Variants in CASKIN1 observed in about 807,000 individuals in gnomAD.
The protein encoded by CASKIN1 is CASK interacting protein 1, also known as caskin-1.
CASKIN1 carries 42 observed loss-of-function variants against 117.5 expected under a neutral mutation model. The observed-to-expected ratio is 0.36, with a 90% confidence interval of 0.28 to 0.46. The LOEUF is 0.46. CASKIN1 is among the 20% of genes least tolerant of loss of function. CASKIN1 has a pLI of 1.00. For synonymous variants in CASKIN1, 1,148 were observed against 961.7 expected (o/e 1.19, Z -3.59); for missense variants, 2,083 against 2,077.3 (o/e 1.00, Z -0.05).
rs1357563121 is a variant in CASKIN1 at position 2,178,599 on chromosome 16, C to T, written c.4247G>A (p.Gly1416Asp). The T allele has an allele frequency of 6.3e-7, 1 of 1,597,798 alleles. No homozygotes were observed. ...GTCGGCCAGGTCGTCGAACATGCTG[C>T]CGATGTCGTCCAGGATGCTGCCAGT... ...KSTGSILDDI[G>D]SMFDDLADQL... is the part of the protein sequence containing the mutation. The change falls in exon 20 of 20, where the codon GGC becomes GAC. Residue 1416 changes from glycine (G) to aspartate (D), a missense_variant. Transcript: ENST00000343516.
rs573629785 is a variant in CASKIN1, at chr16:2,179,740, G to A, written c.3628C>T (p.Pro1210Ser). ...GCTTCGCCCTCGGGCGGGGGCAATG[G>A]GGGTAGGTGCGCCAGGTCGGTGGGC... ...PPPTDLAHLPPLPPPEGEARK... is the reference protein window; with the variant it reads ...PPPTDLAHLPSLPPPEGEARK... Residue 1210 changes from proline (P) to serine (S), a missense_variant, in exon 18 of 20, where the codon CCA (proline) becomes TCA (serine). Transcript: ENST00000343516. This position sits in a 1 kb window ranked among gnomAD's most constrained non-coding sequence, Gnocchi z 5.8. 49 of 1,556,956 alleles carry A rather than the reference G, an allele frequency of 3.1e-5. No homozygotes were observed. Among genetic ancestry groups the A allele is most frequent in the Non-Finnish European group, 4.2e-5 (49 of 1,157,188 alleles).
At position 2,178,649 on chromosome 16, in the gene CASKIN1, G is replaced by A. The variant is rs1347023416; in HGVS notation, c.4200-3C>T. On this transcript the variant is annotated splice_region_variant and splice_polypyrimidine_tract_variant and intron_variant, in intron 19 of 19. Transcript: ENST00000343516. ...TGCTCTTTTCCGCCGCCGAGTCGCT[G>A]CGGGGCGCGGGGCAAGGGGCGTGAG... The A allele has an allele frequency of 2.5e-6, 4 of 1,584,942 alleles. No homozygotes were observed. The highest frequency in any genetic ancestry group is 2.3e-5 in the South Asian group (2 of 88,520).
rs1480992686 is a variant in CASKIN1 at position 2,181,672 on chromosome 16, T to G, written c.1769-73A>C. ...GCAGGGGCCGGGCTAGGGGCGGGGC[T>G]GGGCTGGGCTTGGGGCCCAGCTTGG... On this transcript the variant is annotated intron_variant, in intron 17 of 19. Coordinates refer to ENST00000343516, the MANE Select transcript of CASKIN1 (RefSeq NM_020764.4). 2.4e-4 allele frequency: 51 copies of G among 211,240 alleles called. No individual in the cohort carries two copies. In the Middle Eastern group the frequency reaches 3.9e-3, roughly 16 times the overall value. The allele number at this position is 211,240 out of a possible 1,614,324, so 13.1% of individuals were successfully genotyped here.
rs1261896912 is a variant in CASKIN1, at chr16:2,185,348, G to A, written c.1109C>T (p.Ala370Val). 6.2e-7 allele frequency: 1 copy of A among 1,611,124 alleles called. No individual in the cohort carries two copies. The highest frequency in any genetic ancestry group is 1.3e-5 in the African/African-American group (1 of 75,026). Residue 370 changes from alanine to valine, a missense_variant, in exon 11 of 20, where the codon GCA becomes GTA. Transcript: ENST00000343516. ...CAGCACCCAGATCTCCTCTGGGGGT[G>A]CAGAGGGTCCCGATGAGCTGCTTCC... ...PQGSSSSGPS[A>V]PPEEIWVLRK...
Position 2,180,124 on chromosome 16 carries a change from CA to C in CASKIN1, c.3243del (p.Glu1083SerfsTer60). On this transcript the variant is annotated frameshift_variant, in exon 18 of 20. Transcript: ENST00000343516. LOFTEE classifies it high-confidence loss of function. ...AAGGGGCCTGGGTCTGCCGACTCCC[CA>C]GGCCCCCGGCGGGCAGTGGCCAGAA... ...TGLLATARRGPGESADPGPFV... is the reference protein window; with the variant it reads ...TGLLATARRGXGESADPGPFV... The C allele has an allele frequency of 6.4e-7, 1 of 1,552,708 alleles. No homozygotes were observed. Among genetic ancestry groups the C allele is most frequent in the Non-Finnish European group, 8.7e-7 (1 of 1,150,032 alleles).
rs753990452 is a variant in CASKIN1 at position 2,180,701 on chromosome 16, G to A, written c.2667C>T (p.Ser889=). Residue 889 remains serine, a synonymous_variant, in exon 18 of 20, where the codon TCC becomes TCT. Coordinates refer to ENST00000343516, the MANE Select transcript of CASKIN1 (RefSeq NM_020764.4). ...GCTCGTCCCGCTCCGGCTCGCTGTC[G>A]GACGCCGCATAGCGATTCAGGCTGT... ...RAHSLNRYAA[S]DSEPERDELL... 35 of 1,493,044 alleles carry A rather than the reference G, an allele frequency of 2.3e-5. No individual in the cohort carries two copies. Among genetic ancestry groups the A allele is most frequent in the Middle Eastern group, 4.0e-4 (2 of 4,986 alleles). The allele number at this position is 1,493,044 out of a possible 1,614,324, so 92.5% of individuals were successfully genotyped here. A position where few individuals can be genotyped will look rare whatever the true frequency, so the allele number is the denominator to read the frequency against.
chr16:2,193,800 T>C (rs1190616840), intron 1 of CASKIN1, among the ~76,000 whole-genome samples: 1 of 152,138 alleles, frequency 6.6e-6, no homozygotes, highest in Admixed American at 6.5e-5. Flanking sequence ...CTGGCTGAAA[T>C]TGGATGGCAG....
Position 2,180,675 on chromosome 16 carries a change from A to C in CASKIN1, c.2693T>G (p.Leu898Arg). Residue 898 changes from leucine to arginine, a missense_variant, in exon 18 of 20, where the codon CTG (leucine) becomes CGG (arginine). Physicochemically the swap from Leu to Arg is moderately radical, Grantham distance 102 (BLOSUM62 -2). Transcript: ENST00000343516. ...GGGGCCGGCAGCCGCAGGCACCAGC[A>C]GCTCGTCCCGCTCCGGCTCGCTGTC... is the stretch of plus-strand genomic sequence containing the variant. ...ASDSEPERDE[L>R]LVPAAAGPYA... 1 of 1,514,976 alleles carries C rather than the reference A, an allele frequency of 6.6e-7. No individual in the cohort carries two copies. Among genetic ancestry groups the C allele is most frequent in the African/African-American group, 1.4e-5 (1 of 71,840 alleles). 93.8% of individuals were successfully genotyped at this position (1,514,976 alleles called of 1,614,324 possible). A position where few individuals can be genotyped will look rare whatever the true frequency, so the allele number is the denominator to read the frequency against.
intron 1 of CASKIN1, among the ~76,000 whole-genome samples, chr16:2,192,790 C>T (rs1216876094): frequency 6.6e-6 from 1 of 152,188 alleles, no homozygotes; most frequent in Non-Finnish European, 1.5e-5. Context: ...CACTCAACTA[C>T]CAGCACCAAG....
chr16:2,195,435 G>C (rs928196359), intron 1 of CASKIN1, among the ~76,000 whole-genome samples: 15 of 152,218 alleles, frequency 9.9e-5, no homozygotes, highest in Admixed American at 3.9e-4. Flanking sequence ...TGCCCGCACA[G>C]GTGCCCTGAC....
At position 2,182,485 on chromosome 16, in the gene CASKIN1, C is replaced by T. The variant is rs369087330; in HGVS notation, c.1630-556G>A. On this transcript the variant is annotated intron_variant, in intron 16 of 19. Coordinates refer to ENST00000343516, the MANE Select transcript of CASKIN1 (RefSeq NM_020764.4). The surrounding 1 kb of genome is among the most constrained non-coding windows in gnomAD (Gnocchi z 4.1). ...GATCACTCCCCGAGCGGCATTCAGG[C>T]GTCCACACTTCCAGCTGGAATTCAC... 6.6e-6 allele frequency among the ~76,000 whole-genome samples: 1 copy of T among 152,036 alleles called. No homozygotes were observed. Among genetic ancestry groups the T allele is most frequent in the Non-Finnish European group, 1.5e-5 (1 of 68,010 alleles).
chr16:2,177,488 A>T lies in CASKIN1; in HGVS notation c.*1062T>A, dbSNP rs965427476. On this transcript the variant is annotated 3_prime_UTR_variant, in exon 20 of 20. Transcript: ENST00000343516. ...TGGATCAGCAAACACGATAGAGGAG[A>T]CCAGTCAGTACTTCTTGGAGGGGGC... 8 of 233,156 alleles carry T rather than the reference A, an allele frequency of 3.4e-5. No homozygotes were observed. Among genetic ancestry groups the T allele is most frequent in the African/African-American group, 1.8e-4 (8 of 45,206 alleles). The allele number at this position is 233,156 out of a possible 1,614,324, so 14.4% of individuals were successfully genotyped here.
In CASKIN1 at chr16:2,181,306, C is replaced by T. The variant is rs2141313804; in HGVS notation, c.2062G>A (p.Ala688Thr). 1 of 1,603,706 alleles carries T rather than the reference C, an allele frequency of 6.2e-7. No individual in the cohort carries two copies. The highest frequency in any genetic ancestry group is 8.5e-7 in the Non-Finnish European group (1 of 1,178,620). The change falls in exon 18 of 20, where the codon GCC becomes ACC. Residue 688 changes from alanine (A) to threonine (T), a missense_variant. Around this residue, in one of 3 missense-constraint regions of CASKIN1, gnomAD observed 1,818 missense variants for 1,688.9 expected, o/e 1.08. Coordinates refer to ENST00000343516, the MANE Select transcript of CASKIN1 (RefSeq NM_020764.4). ...AGGCTGGAGTCCTGCCGCGTGGTGGCCCTCGGGGTGGGTGGCAGGTGGCTG... is the reference window on the plus strand; with the variant it reads ...AGGCTGGAGTCCTGCCGCGTGGTGGTCCTCGGGGTGGGTGGCAGGTGGCTG... ...PSSHLPPTPR[A>T]TTRQDSSLGG...
chr16:2,186,915 TG>T, intron 9 of CASKIN1, 62 bp downstream of exon 9: 1 of 1,603,456 alleles, frequency 6.2e-7, no homozygotes, highest in Non-Finnish European at 8.5e-7. Context: ...GAGGGTGTTC[TG>T]GGGTGCGCAC....
At chr16:2,193,669 T>C (rs2093207229) in intron 1 of CASKIN1, among the ~76,000 whole-genome samples, 1 of 152,186 alleles carries the variant, frequency 6.6e-6, no homozygotes, top group Non-Finnish European at 1.5e-5. Flanking sequence ...GCCCAGAAAG[T>C]AACATCTGCC....
In CASKIN1 at chr16:2,189,007, C is replaced by T. The variant is rs772013656; in HGVS notation, c.617+20G>A. ...CCCTGGGGACCCTAAGGCTGAGGCCCTCCCTGCTACCGGCTCTACCTGATG... is the reference window on the plus strand; with the variant it reads ...CCCTGGGGACCCTAAGGCTGAGGCCTTCCCTGCTACCGGCTCTACCTGATG... On this transcript the variant is annotated intron_variant, in intron 6 of 19. Transcript: ENST00000343516. 29 of 1,603,418 alleles carry T rather than the reference C, an allele frequency of 1.8e-5. No homozygotes were observed. The highest frequency in any genetic ancestry group is 2.4e-5 in the Non-Finnish European group (28 of 1,173,490).
Position 2,180,386 on chromosome 16 carries a change from G to T in CASKIN1, c.2982C>A (p.Asp994Glu). 1 of 1,587,170 alleles carries T rather than the reference G, an allele frequency of 6.3e-7. No homozygotes were observed. Among genetic ancestry groups the T allele is most frequent in the African/African-American group, 1.3e-5 (1 of 74,756 alleles). ...RRASDLAGSV[D>E]TGSAGSVKSI... ...TCTTCACACTGCCGGCACTACCCGTGTCCACGCTGCCGGCCAGGTCACTGG... is the reference window on the plus strand; with the variant it reads ...TCTTCACACTGCCGGCACTACCCGTTTCCACGCTGCCGGCCAGGTCACTGG... The change falls in exon 18 of 20, where the codon GAC becomes GAA. Residue 994 changes from aspartate (D) to glutamate (E), a missense_variant. By Grantham distance (45) the Asp-to-Glu change is conservative (BLOSUM62 2). Coordinates refer to ENST00000343516, the MANE Select transcript of CASKIN1 (RefSeq NM_020764.4).
intron 12 of CASKIN1, 24 bp from the exon 13 acceptor site, chr16:2,185,059 G>A (rs889732965): frequency 6.2e-7 from 1 of 1,606,620 alleles, no homozygotes; most frequent in East Asian, 2.2e-5. Context: ...ACCCCGGCTT[G>A]TCACCTGCTC....
In CASKIN1 at chr16:2,190,167, G is replaced by A. The variant is rs1229118006; in HGVS notation, c.150C>T (p.Phe50=). The change falls in exon 3 of 20, where the codon TTC becomes TTT. Residue 50 remains phenylalanine, a synonymous_variant. Transcript: ENST00000343516. ...INVNFQDPDG[F]SALHHAALNG... ...TCAGGGCCGCATGGTGCAGAGCCGA[G>A]AAGCTGGCACGTGCAGAGGACACAT... is the stretch of plus-strand genomic sequence containing the variant. The A allele has an allele frequency of 8.1e-6, 13 of 1,612,882 alleles. No homozygotes were observed. The highest frequency in any genetic ancestry group is 1.1e-5 in the Non-Finnish European group (13 of 1,179,898).
Sources: gnomAD v4.1 joint callset for allele counts (sites outside exome capture counted in the v4.1 genomes callset) on GRCh38, gnomAD v4.1.1 for gene constraint, gnomAD v4.1.1 regional missense constraint, Gnocchi (gnomAD v3.1) non-coding constraint, MANE v1.5 for transcripts, NCBI Gene and HGNC (gene_info 2026-07-23, HGNC 2026-07-21) for gene names.